Variants in TRPV4 observed in about 807,000 individuals in gnomAD.
The protein encoded by TRPV4 is transient receptor potential cation channel subfamily V member 4.
In TRPV4, 58 loss-of-function variants were observed where a neutral mutation model predicts 84.1. The observed-to-expected ratio is 0.69, with a 90% CI of 0.56 to 0.86. The LOEUF is 0.86. Ranked by LOEUF, TRPV4 falls within the 40% of genes least tolerant of loss-of-function variation. TRPV4 has a pLI of 0.00. For synonymous variants in TRPV4, 489 were observed against 500.9 expected, an observed-to-expected ratio of 0.98 and a Z score of 0.32; for missense variants, 879 against 1,181.1, an observed-to-expected ratio of 0.74 and a Z score of 3.75.
In TRPV4 at chr12:109,798,627, G is replaced by A. The variant is rs764949536; in HGVS notation, c.1139C>T (p.Thr380Met). Residue 380 changes from threonine (T) to methionine (M), a missense_variant, in exon 6 of 16, where the codon ACG (threonine) becomes ATG (methionine). Thr to Met is a moderately conservative substitution (Grantham distance 81). Around this residue, in one of 4 missense-constraint regions of TRPV4, gnomAD observed 521 missense variants for 686.6 expected, o/e 0.76. Coordinates refer to ENST00000261740, the MANE Select transcript of TRPV4 (RefSeq NM_021625.5). This position sits in a 1 kb window ranked among gnomAD's most constrained non-coding sequence, Gnocchi z 5.0. ...CCGCACACTCACCCCAATCTTGCCC[G>A]TCTTGGCAGCCATCATGAGGGGCGA... is the stretch of plus-strand genomic sequence containing the variant. ...GLSPLMMAAK[T>M]GKIGIFQHII... 1.3e-4 allele frequency: 202 copies of A among 1,612,058 alleles called. No homozygotes were observed. Among genetic ancestry groups the A allele is most frequent in the South Asian group, 2.0e-4 (18 of 91,080 alleles).
In TRPV4 at chr12:109,788,617, T is replaced by TG. The variant is rs762810668; in HGVS notation, c.1990_1991insC (p.Glu664AlafsTer12). On this transcript the variant is annotated frameshift_variant, in exon 13 of 16. Coordinates refer to ENST00000261740, the MANE Select transcript of TRPV4 (RefSeq NM_021625.5). LOFTEE classifies it high-confidence loss of function. ...GTCCAGGAGGAAGGTGCTGAAGGTCTCGCTGTCACGGCACGAGGGGTAAGT... is the reference window on the plus strand; with the variant it reads ...GTCCAGGAGGAAGGTGCTGAAGGTCTGCGCTGTCACGGCACGAGGGGTAAGT... The TG allele has an allele frequency of 6.2e-7, 1 of 1,614,248 alleles. No homozygotes were observed. The highest frequency in any genetic ancestry group is 8.5e-7 in the Non-Finnish European group (1 of 1,180,048).
At chr12:109,811,230 T>C (rs913258396) in intron 2 of TRPV4, among the ~76,000 whole-genome samples, 1 of 152,176 alleles carries the variant, frequency 6.6e-6, no homozygotes, top group African/African-American at 2.4e-5. Flanking sequence ...GGCACATCCA[T>C]GTGCTCAGCT....
At chr12:109,807,734 T>C (rs112291592) in intron 3 of TRPV4, among the ~76,000 whole-genome samples, 2,230 of 152,114 alleles carry the variant, frequency 0.015, 51 homozygotes, top group African/African-American at 0.051. Flanking sequence ...GGCTGAAGGG[T>C]TAGCTCTCTG....
At chr12:109,816,181 G>C (rs962186305) in intron 1 of TRPV4, among the ~76,000 whole-genome samples, 7 of 152,330 alleles carry the variant, frequency 4.6e-5, no homozygotes, top group Admixed American at 3.9e-4. Flanking sequence ...AGAGAGGTGG[G>C]GACACAGCAA....
intron 1 of TRPV4, chr12:109,832,371 C>A (rs1401330291): frequency 6.6e-6 from 1 of 152,340 alleles, no homozygotes; most frequent in African/African-American, 2.4e-5. Context: ...TCAAGCGGTT[C>A]TTAGCATCCC....
At position 109,808,481 on chromosome 12, in the gene TRPV4, G is replaced by A. The variant is rs1891285532; in HGVS notation, c.387-13C>T. On this transcript the variant is annotated splice_polypyrimidine_tract_variant and intron_variant, in intron 2 of 15. Transcript: ENST00000261740. ...CTGCGGCTGCTTCCTGGAGGAGGTA[G>A]GGAGGCAAGTTGATGGGAGGGCTCA... is the stretch of plus-strand genomic sequence containing the variant. 1 of 1,608,238 alleles carries A rather than the reference G, an allele frequency of 6.2e-7. No homozygotes were observed. The highest frequency in any genetic ancestry group is 1.3e-5 in the African/African-American group (1 of 74,812).
At chr12:109,806,044 C>A (rs1891098230) in intron 3 of TRPV4, among the ~76,000 whole-genome samples, 2 of 152,194 alleles carry the variant, frequency 1.3e-5, no homozygotes, top group South Asian at 4.1e-4. Flanking sequence ...CATGGGTTAT[C>A]TCCGAATGAG....
intron 1 of TRPV4, among the ~76,000 whole-genome samples, chr12:109,832,991 C>T (rs1892456732): frequency 6.6e-6 from 1 of 152,142 alleles, no homozygotes; most frequent in Admixed American, 6.5e-5. Flanking sequence ...AACCTTAGGT[C>T]CCCCGAAATC....
chr12:109,804,797 T>C (rs12309043), intron 3 of TRPV4, among the ~76,000 whole-genome samples: 8,104 of 152,258 alleles, frequency 0.053, 299 homozygotes, highest in African/African-American at 0.11. Context: ...ACACCTCCTT[T>C]ATTTCCCTCA....
chr12:109,783,433 G>T lies in TRPV4; in HGVS notation c.*188C>A, dbSNP rs1889458512. 2 of 708,106 alleles carry T rather than the reference G, an allele frequency of 2.8e-6. No individual in the cohort carries two copies. The highest frequency in any genetic ancestry group is 4.5e-6 in the Non-Finnish European group (2 of 442,634). The allele number at this position is 708,106 out of a possible 1,614,324, so 43.9% of individuals were successfully genotyped here. ...CCATAGGAGCAAGACAGGTGGCCGG[G>T]AGCCCCCACCCCAGGGTGGGGAGGC... On this transcript the variant is annotated 3_prime_UTR_variant, in exon 16 of 16. Transcript: ENST00000261740. This position sits in a 1 kb window ranked among gnomAD's most constrained non-coding sequence, Gnocchi z 4.6.
chr12:109,807,788 G>A (rs924189692), intron 3 of TRPV4, among the ~76,000 whole-genome samples: 1 of 152,142 alleles, frequency 6.6e-6, no homozygotes, highest in East Asian at 1.9e-4. Context: ...AAGCTAGGCT[G>A]GGGTGGAGCA....
intron 4 of TRPV4, 121 bp from the exon 5 acceptor site, chr12:109,800,879 T>G: frequency 1.1e-6 from 1 of 925,750 alleles, no homozygotes; most frequent in Non-Finnish European, 1.7e-6. Flanking sequence ...GGCAGAGTCC[T>G]GCCCAGCGAC....
At position 109,793,700 on chromosome 12, in the gene TRPV4, G is replaced by A; in HGVS notation, c.1585-100C>T. The A allele has an allele frequency of 9.5e-7, 1 of 1,055,818 alleles. No homozygotes were observed. The highest frequency in any genetic ancestry group is 1.5e-6 in the Non-Finnish European group (1 of 682,614). 65.4% of individuals were successfully genotyped at this position (1,055,818 alleles called of 1,614,324 possible). ...AGGGATAGAAGAGAGGGAGGCAGAG[G>A]CTGGTACAGAGAAAAGACAAAGGAC... On this transcript the variant is annotated intron_variant, in intron 9 of 15. Coordinates refer to ENST00000261740, the MANE Select transcript of TRPV4 (RefSeq NM_021625.5). This position sits in a 1 kb window ranked among gnomAD's most constrained non-coding sequence, Gnocchi z 4.0.
chr12:109,805,893 C>T (rs1891088237), intron 3 of TRPV4, among the ~76,000 whole-genome samples: 1 of 152,206 alleles, frequency 6.6e-6, no homozygotes, highest in African/African-American at 2.4e-5. Context: ...TCAGAAGAAG[C>T]CAGAGGCCTT....
chr12:109,784,197 G>T (rs974710486), intron 15 of TRPV4, 119 bp downstream of exon 15: 1 of 1,503,768 alleles, frequency 6.6e-7, no homozygotes, highest in African/African-American at 1.4e-5. Context: ...AAGCTCAGGG[G>T]CACACTCTCT....
In TRPV4 at chr12:109,793,619, C is replaced by T. The variant is rs772999764; in HGVS notation, c.1585-19G>A. ...CTTTGATCTGGAAGACAGGAGGGGG[C>T]ACGTGAAAGGGGTGGGGCCAGCAGG... On this transcript the variant is annotated intron_variant, in intron 9 of 15. Transcript: ENST00000261740. The surrounding 1 kb of genome is among the most constrained non-coding windows in gnomAD (Gnocchi z 4.0). 5 of 1,608,454 alleles carry T rather than the reference C, an allele frequency of 3.1e-6. No individual in the cohort carries two copies. The highest frequency in any genetic ancestry group is 4.3e-6 in the Non-Finnish European group (5 of 1,175,222).
chr12:109,787,223 T>C (rs1408498328), intron 13 of TRPV4, among the ~76,000 whole-genome samples: 2 of 152,196 alleles, frequency 1.3e-5, no homozygotes, highest in Non-Finnish European at 2.9e-5. Flanking sequence ...CTTCCAACTT[T>C]TCAAGAAAAG....
chr12:109,804,902 G>T (rs1798998009), intron 3 of TRPV4, among the ~76,000 whole-genome samples: 1 of 152,080 alleles, frequency 6.6e-6, no homozygotes, highest in South Asian at 2.1e-4. Context: ...GAACTACAGG[G>T]TCTTTGCACC....
intron 12 of TRPV4, 146 bp downstream of exon 12, chr12:109,792,217 C>T (rs957650980): frequency 1.3e-5 from 9 of 700,794 alleles, no homozygotes; most frequent in East Asian, 8.6e-5. Context: ...CACTCCAGCC[C>T]GGGCAACAGG....
Sources: allele counts gnomAD v4.1 joint callset (sites outside exome capture counted in the v4.1 genomes callset), GRCh38; gene constraint gnomAD v4.1.1; regional missense constraint gnomAD v4.1.1; non-coding constraint Gnocchi (gnomAD v3.1); transcripts MANE v1.5; gene names NCBI Gene and HGNC (gene_info 2026-07-23, HGNC 2026-07-21).